The following SDK2 variants were observed in gnomAD, a reference collection of about 807,000 sequenced individuals.
The protein encoded by SDK2 is protein sidekick-2.
SDK2 carries 105 observed loss-of-function variants against 253.9 expected under a neutral mutation model. That is an observed-to-expected ratio of 0.41 (90% CI 0.35 to 0.49). The LOEUF is 0.49. Ranked by LOEUF, SDK2 falls within the 20% of genes least tolerant of loss-of-function variation. The pLI, the probability that SDK2 is intolerant of heterozygous loss-of-function variation, is 0.06. For missense variants in SDK2, 2,608 were observed against 3,003.0 expected (o/e 0.87, Z 3.07); for synonymous variants, 1,249 against 1,234.9 (o/e 1.01, Z -0.24).
At chr17:73,439,691 G>A (rs897056458) in intron 6 of SDK2, among the ~76,000 whole-genome samples, 1 of 152,198 alleles carries the variant, frequency 6.6e-6, no homozygotes, top group Non-Finnish European at 1.5e-5. Context: ...GAAGGGTCAG[G>A]TCAGGCTGGG....
Position 73,512,395 on chromosome 17 carries a change from T to C in SDK2, c.65-4798A>G, listed in dbSNP as rs144467564. ...CAGCCTTAGTACTAGGATGGTGCAG[T>C]AAACAACCTGTGCAACTGTACACAA... On this transcript the variant is annotated intron_variant, in intron 1 of 44. Transcript: ENST00000392650. 3.9e-3 allele frequency among the ~76,000 whole-genome samples: 588 copies of C among 152,122 alleles called. 2 individuals carry two copies. Among genetic ancestry groups the C allele is most frequent in the African/African-American group, 0.013 (550 of 41,468 alleles).
chr17:73,630,768 C>A (rs1362356416), intron 1 of SDK2, among the ~76,000 whole-genome samples: 1 of 152,154 alleles, frequency 6.6e-6, no homozygotes. Flanking sequence ...TGCTTCAAAC[C>A]AGGGCTCTGC....
chr17:73,426,839 C>A (rs1401312103), intron 12 of SDK2, among the ~76,000 whole-genome samples: 2 of 152,112 alleles, frequency 1.3e-5, no homozygotes, highest in African/African-American at 4.8e-5. Flanking sequence ...GTAATCCTAG[C>A]ACTTTGGGAG....
At chr17:73,426,222 T>TTTTTTTTTTTTTTTTTTTTTTTTTG in intron 12 of SDK2, among the ~76,000 whole-genome samples, 1 of 129,376 alleles carries the variant, frequency 7.7e-6, no homozygotes, top group Non-Finnish European at 1.6e-5. Context: ...TTTTTTTTTT[T>TTTTTTTTTTTTTTTTTTTTTTTTTG]TTTTTTTTTT....
chr17:73,430,066 C>A (rs904163200), intron 12 of SDK2, among the ~76,000 whole-genome samples: 3 of 152,206 alleles, frequency 2.0e-5, no homozygotes, highest in Non-Finnish European at 2.9e-5. Flanking sequence ...TATAGCTGAT[C>A]CCATATCCGC....
chr17:73,562,835 C>G (rs2045257396), intron 1 of SDK2, among the ~76,000 whole-genome samples: 2 of 152,252 alleles, frequency 1.3e-5, no homozygotes, highest in Admixed American at 1.3e-4. Flanking sequence ...CGTGCTAACT[C>G]ATTTCATCCT....
At chr17:73,376,376 A>G (rs2062781386) in intron 36 of SDK2, among the ~76,000 whole-genome samples, 1 of 152,162 alleles carries the variant, frequency 6.6e-6, no homozygotes, top group Non-Finnish European at 1.5e-5. Flanking sequence ...ACCAACTGAA[A>G]GACTGGAGCT....
chr17:73,643,470 C>T lies in SDK2; in HGVS notation c.64+555G>A, dbSNP rs968898453. ...AGCGAAGCACCCCCAGCCCCAGCGG[C>T]TGGCCGAGCAGCCAGGGGCGGGCTC... On this transcript the variant is annotated intron_variant, in intron 1 of 44. Transcript: ENST00000392650. The surrounding 1 kb of genome is among the most constrained non-coding windows in gnomAD (Gnocchi z 6.9). Among the ~76,000 whole-genome samples the T allele has an allele frequency of 6.6e-6, 1 of 152,166 alleles. No individual in the cohort carries two copies. The highest frequency in any genetic ancestry group is 1.5e-5 in the Non-Finnish European group (1 of 68,018).
chr17:73,479,239 C>A (rs1329109839), intron 2 of SDK2, among the ~76,000 whole-genome samples: 4 of 152,246 alleles, frequency 2.6e-5, no homozygotes, highest in African/African-American at 9.6e-5. Context: ...CCAGGAACAG[C>A]AGTGGGCCAC....
At chr17:73,587,778 G>A (rs942855294) in intron 1 of SDK2, among the ~76,000 whole-genome samples, 2 of 152,190 alleles carry the variant, frequency 1.3e-5, no homozygotes, top group Admixed American at 6.5e-5. Context: ...ACATTTCCCT[G>A]AACTGGCTTC....
intron 44 of SDK2, among the ~76,000 whole-genome samples, chr17:73,342,313 G>A (rs1005651614): frequency 1.3e-5 from 2 of 152,110 alleles, no homozygotes; most frequent in Non-Finnish European, 2.9e-5. Context: ...GCCCCATGAC[G>A]CAATGCAGCA....
chr17:73,386,445 C>T lies in SDK2; in HGVS notation c.4498G>A (p.Ala1500Thr), dbSNP rs1421173117. ...ESESLTTLQA[A>T]PDEAPTILSV... ...AGACTGCTGGGGAAGGGGTACTGAC[C>T]AGCCTGCAGGGTGGTCAGTGACTCC... Residue 1500 changes from alanine (A) to threonine (T), a missense_variant and splice_region_variant, in exon 31 of 45, where the codon GCC (alanine) becomes ACC (threonine). This residue lies in a region of SDK2 where 1,103 missense variants were observed against 1,143.9 expected (regional missense o/e 0.96). Coordinates refer to ENST00000392650, the MANE Select transcript of SDK2 (RefSeq NM_001144952.2). 3 of 1,550,750 alleles carry T rather than the reference C, an allele frequency of 1.9e-6. No individual in the cohort carries two copies. Among genetic ancestry groups the T allele is most frequent in the South Asian group, 1.2e-5 (1 of 84,126 alleles).
At chr17:73,499,249 G>C (rs1457512104) in intron 2 of SDK2, among the ~76,000 whole-genome samples, 1 of 152,234 alleles carries the variant, frequency 6.6e-6, no homozygotes, top group South Asian at 2.1e-4. Context: ...CAGTGGCTCC[G>C]CGTGCGTCCC....
In SDK2 at chr17:73,534,522, G is replaced by A. The variant is rs1175715459; in HGVS notation, c.65-26925C>T. On this transcript the variant is annotated intron_variant, in intron 1 of 44. Coordinates refer to ENST00000392650, the MANE Select transcript of SDK2 (RefSeq NM_001144952.2). The surrounding 1 kb of genome is among the most constrained non-coding windows in gnomAD (Gnocchi z 4.9). ...GAGAAAAGACAGACAGGAGGGAGGA[G>A]GAAGGAGAAGTAAAGTCACAAAAGG... 6.6e-6 allele frequency among the ~76,000 whole-genome samples: 1 copy of A among 152,120 alleles called. No individual in the cohort carries two copies. The highest frequency in any genetic ancestry group is 1.5e-5 in the Non-Finnish European group (1 of 68,024).
At position 73,388,030 on chromosome 17, in the gene SDK2, C is replaced by G; in HGVS notation, c.4200G>C (p.Pro1400=). The part of the protein sequence containing the change: ...LVVTTEKRDR[P]QPPSRPMVQQ... Reference sequence around the variant, plus strand: ...GCACCATCGGCCTGCTGGGGGGCTGCGGACGGTCTGGGAGGTGGCAGAGGG... The same window carrying G: ...GCACCATCGGCCTGCTGGGGGGCTGGGGACGGTCTGGGAGGTGGCAGAGGG... Residue 1400 remains proline, a synonymous_variant, in exon 30 of 45, where the codon CCG becomes CCC. Transcript: ENST00000392650. 1 of 1,564,984 alleles carries G rather than the reference C, an allele frequency of 6.4e-7. No individual in the cohort carries two copies. Among genetic ancestry groups the G allele is most frequent in the Non-Finnish European group, 8.7e-7 (1 of 1,155,960 alleles).
chr17:73,389,720 G>A lies in SDK2; in HGVS notation c.4192+567C>T, dbSNP rs183443496. Among the ~76,000 whole-genome samples the A allele has an allele frequency of 2.0e-3, 305 of 152,150 alleles. 1 individual carries two copies. Among genetic ancestry groups the A allele is most frequent in the African/African-American group, 6.8e-3 (284 of 41,528 alleles). On this transcript the variant is annotated intron_variant, in intron 29 of 44. Transcript: ENST00000392650. ...CAAGGCCAGGGCTGTGAGTGGGGAG[G>A]GGAGAGGGAAGATGGTCACTAACCC...
intron 40 of SDK2, among the ~76,000 whole-genome samples, chr17:73,355,966 G>A (rs73996193): frequency 0.066 from 10,069 of 152,162 alleles, 738 homozygotes; most frequent in African/African-American, 0.18. Context: ...ACAACAGCTG[G>A]CACTTACGCC....
In SDK2 at chr17:73,435,377, C is replaced by G. The variant is rs769084630; in HGVS notation, c.1195+73G>C. 7.0e-7 allele frequency: 1 copy of G among 1,427,884 alleles called. No individual in the cohort carries two copies. Among genetic ancestry groups the G allele is most frequent in the African/African-American group, 1.4e-5 (1 of 70,264 alleles). 88.5% of individuals were successfully genotyped at this position (1,427,884 alleles called of 1,614,324 possible). On this transcript the variant is annotated intron_variant, in intron 9 of 44. Transcript: ENST00000392650. The surrounding 1 kb of genome is among the most constrained non-coding windows in gnomAD (Gnocchi z 5.7). ...AACGTGCTATGCACAAGAGGCCCCT[C>G]GGAAGACCTTGGAAGAAAGCTGCGT...
intron 36 of SDK2, among the ~76,000 whole-genome samples, chr17:73,377,407 T>C (rs28412293): frequency 0.11 from 15,963 of 150,890 alleles, 2,480 homozygotes; most frequent in African/African-American, 0.34. Context: ...TTAGTAGAGA[T>C]GGGGTTTCAC....
Sources: allele counts gnomAD v4.1 joint callset (sites outside exome capture counted in the v4.1 genomes callset), GRCh38; gene constraint gnomAD v4.1.1; regional missense constraint gnomAD v4.1.1; non-coding constraint Gnocchi (gnomAD v3.1); transcripts MANE v1.5; gene names NCBI Gene and HGNC (gene_info 2026-07-23, HGNC 2026-07-21).